The following CCSER1 variants were observed in gnomAD, a reference collection of about 807,000 sequenced individuals.
CCSER1 encodes serine-rich coiled-coil domain-containing protein 1.
Under a neutral mutation model 82.0 loss-of-function variants are expected in CCSER1, and 41 were observed. That is an observed-to-expected ratio of 0.50 (90% CI 0.39 to 0.65). CCSER1 has a LOEUF of 0.65. Ranked by LOEUF, CCSER1 falls within the 30% of genes least tolerant of loss-of-function variation. The pLI is 0.00. For missense variants in CCSER1, 1,119 were observed against 1,064.2 expected, an observed-to-expected ratio of 1.05 and a Z score of -0.72; for synonymous variants, 414 against 383.9, an observed-to-expected ratio of 1.08 and a Z score of -0.92.
intron 1 of CCSER1, among the ~76,000 whole-genome samples, chr4:90,247,250 T>G (rs6853354): frequency 0.38 from 57,639 of 152,036 alleles, 11,058 homozygotes; most frequent in South Asian, 0.48. Context: ...AAAGCAAAAC[T>G]GCAGCTCCAT....
chr4:90,548,321 C>T (rs1182436622), intron 5 of CCSER1, among the ~76,000 whole-genome samples: 2 of 152,170 alleles, frequency 1.3e-5, no homozygotes, highest in Admixed American at 6.6e-5. Flanking sequence ...TTAAAGTGCC[C>T]CTTATCTGTG....
intron 10 of CCSER1, among the ~76,000 whole-genome samples, chr4:91,272,677 A>G (rs1158482024): frequency 2.0e-5 from 3 of 152,154 alleles, no homozygotes; most frequent in Non-Finnish European, 2.9e-5. Flanking sequence ...TGCCTAAGCC[A>G]TGCCCGAAGG....
At chr4:91,365,885 A>C (rs1370518137) in intron 10 of CCSER1, among the ~76,000 whole-genome samples, 1 of 152,168 alleles carries the variant, frequency 6.6e-6, no homozygotes, top group Non-Finnish European at 1.5e-5. Flanking sequence ...AGCCCATGAG[A>C]AGTTCCCTAT....
intron 7 of CCSER1, among the ~76,000 whole-genome samples, chr4:90,791,761 G>A (rs1755273730): frequency 6.6e-6 from 1 of 150,910 alleles, no homozygotes; most frequent in Non-Finnish European, 1.5e-5. Context: ...GTTGGAGCTT[G>A]TAGTGAGCCG....
At chr4:90,929,087 A>G (rs1175161724) in intron 9 of CCSER1, among the ~76,000 whole-genome samples, 3 of 152,016 alleles carry the variant, frequency 2.0e-5, no homozygotes, top group African/African-American at 7.2e-5. Context: ...TTTTCCCTGA[A>G]CACTATTCTT....
intron 3 of CCSER1, among the ~76,000 whole-genome samples, chr4:90,319,117 G>A (rs1241340537): frequency 6.6e-6 from 1 of 152,120 alleles, no homozygotes; most frequent in East Asian, 1.9e-4. Context: ...ACTTTCTTGT[G>A]TCTTTTGTTC....
At chr4:90,376,510 TAAAG>T (rs1236141917) in intron 3 of CCSER1, among the ~76,000 whole-genome samples, 4 of 152,180 alleles carry the variant, frequency 2.6e-5, no homozygotes, top group African/African-American at 7.2e-5. Flanking sequence ...GAAAGGTCAA[TAAAG>T]AAAGCCATTT....
At chr4:90,696,967 T>C (rs926489661) in intron 6 of CCSER1, among the ~76,000 whole-genome samples, 1 of 152,052 alleles carries the variant, frequency 6.6e-6, no homozygotes, top group African/African-American at 2.4e-5. Context: ...AGTTAAGGGC[T>C]GCACAGTGGT....
At chr4:90,502,122 A>G (rs935914773) in intron 5 of CCSER1, among the ~76,000 whole-genome samples, 1 of 152,156 alleles carries the variant, frequency 6.6e-6, no homozygotes, top group Non-Finnish European at 1.5e-5. Flanking sequence ...CAATTCTCAC[A>G]CTGCTATCAA....
chr4:90,377,886 G>A (rs1028486178), intron 3 of CCSER1, among the ~76,000 whole-genome samples: 3 of 152,178 alleles, frequency 2.0e-5, no homozygotes, highest in Non-Finnish European at 4.4e-5. Context: ...TTTAAAAAAT[G>A]TGTTTTTATT....
chr4:90,391,799 G>A (rs1751201469), intron 3 of CCSER1, among the ~76,000 whole-genome samples: 1 of 151,652 alleles, frequency 6.6e-6, no homozygotes, highest in South Asian at 2.1e-4. Context: ...ATGAAGGTTA[G>A]AAATAATCAC....
chr4:90,389,311 G>C (rs986261896), intron 3 of CCSER1, among the ~76,000 whole-genome samples: 6 of 152,156 alleles, frequency 3.9e-5, no homozygotes, highest in Non-Finnish European at 8.8e-5. Flanking sequence ...GCATTACTCG[G>C]AAATGCTAAG....
intron 10 of CCSER1, among the ~76,000 whole-genome samples, chr4:91,224,123 C>T (rs150092089): frequency 8.9e-4 from 135 of 151,474 alleles, no homozygotes; most frequent in African/African-American, 3.0e-3. Flanking sequence ...ATAACTCCCG[C>T]GCTTAATGTG....
Position 91,464,590 on chromosome 4 carries a change from T to C in CCSER1, c.2218-133982T>C, listed in dbSNP as rs945865838. Among the ~76,000 whole-genome samples, 6 of 152,320 alleles carry C rather than the reference T, an allele frequency of 3.9e-5. No individual in the cohort carries two copies. In the East Asian group the frequency reaches 9.7e-4, roughly 25 times the overall value. On this transcript the variant is annotated intron_variant, in intron 10 of 10. Coordinates refer to ENST00000509176, the MANE Select transcript of CCSER1 (RefSeq NM_001145065.2). ...GATAAAGAATCAAGACCCATCACTG[T>C]GCTGTATTCAGGAAATCCATCTCAC...
At chr4:90,359,809 CTT>C (rs968680377) in intron 3 of CCSER1, among the ~76,000 whole-genome samples, 3 of 149,264 alleles carry the variant, frequency 2.0e-5, no homozygotes, top group Non-Finnish European at 4.4e-5. Context: ...CTTGTAAAAA[CTT>C]TATATATAGA....
At chr4:91,322,046 T>G (rs1412553584) in intron 10 of CCSER1, among the ~76,000 whole-genome samples, 1 of 152,078 alleles carries the variant, frequency 6.6e-6, no homozygotes, top group Non-Finnish European at 1.5e-5. Context: ...AGGCACTGAA[T>G]GAATATCGGA....
intron 1 of CCSER1, among the ~76,000 whole-genome samples, chr4:90,176,492 T>C (rs993636696): frequency 2.0e-5 from 3 of 152,020 alleles, no homozygotes; most frequent in African/African-American, 7.2e-5. Flanking sequence ...ACCCACTTAT[T>C]AAGAGGCCTT....
At chr4:91,277,744 T>C (rs1196669719) in intron 10 of CCSER1, among the ~76,000 whole-genome samples, 7 of 151,904 alleles carry the variant, frequency 4.6e-5, no homozygotes, top group African/African-American at 1.2e-4. Flanking sequence ...TGGTTTGTTC[T>C]TGCTTTTCTA....
At chr4:91,297,365 TTGTGTGTGTG>T (rs764634343) in intron 10 of CCSER1, among the ~76,000 whole-genome samples, 12,367 of 128,826 alleles carry the variant, frequency 0.096, 578 homozygotes, top group South Asian at 0.15. Context: ...GAATGGATGC[TTGTGTGTGTG>T]TGTGTGTGTA....
Sources: allele counts gnomAD v4.1 joint callset (sites outside exome capture counted in the v4.1 genomes callset), GRCh38; gene constraint gnomAD v4.1.1; transcripts MANE v1.5; gene names NCBI Gene and HGNC (gene_info 2026-07-23, HGNC 2026-07-21).